D2HGDH: variants seen among roughly 807,000 people sequenced by gnomAD.
D2HGDH encodes D-2-hydroxyglutarate dehydrogenase, mitochondrial.
Under a neutral mutation model 46.9 loss-of-function variants are expected in D2HGDH, and 31 were observed. The observed-to-expected ratio is 0.66, with a 90% CI of 0.50 to 0.89. The LOEUF (loss-of-function observed/expected upper bound fraction) is 0.89. Among genes scored for constraint, D2HGDH ranks in the 40% least tolerant of loss-of-function variants. D2HGDH has a pLI of 0.00. For synonymous variants in D2HGDH, 364 were observed against 332.6 expected (o/e 1.09, Z -1.03); for missense variants, 698 against 720.8 (o/e 0.97, Z 0.36).
chr2:241,747,992 C>G (rs1323207514), intron 6 of D2HGDH, among the ~76,000 whole-genome samples: 2 of 152,226 alleles, frequency 1.3e-5, no homozygotes, highest in African/African-American at 4.8e-5. Context: ...GGATTCCTCA[C>G]TCTGGGTAGG....
At chr2:241,741,820 G>A (rs1177019887) in intron 3 of D2HGDH, among the ~76,000 whole-genome samples, 1 of 148,574 alleles carries the variant, frequency 6.7e-6, no homozygotes, top group Non-Finnish European at 1.5e-5. Context: ...TGCCTCCAGG[G>A]TTTATTTCAT....
chr2:241,750,404 G>A lies in D2HGDH; in HGVS notation c.997+110G>A. On this transcript the variant is annotated intron_variant, in intron 7 of 9. Transcript: ENST00000321264. Reference sequence around the variant, plus strand: ...TGGGCGGGGGGTGCCCGGGCGGGCGGGTGGGGGGTCCCTGGGCGGAGCATG... The same window carrying A: ...TGGGCGGGGGGTGCCCGGGCGGGCGAGTGGGGGGTCCCTGGGCGGAGCATG... 2.8e-6 allele frequency: 3 copies of A among 1,065,988 alleles called. 1 individual carries two copies. Among genetic ancestry groups the A allele is most frequent in the Non-Finnish European group, 4.1e-6 (3 of 740,262 alleles). 66.0% of individuals were successfully genotyped at this position (1,065,988 alleles called of 1,614,324 possible).
intron 9 of D2HGDH, among the ~76,000 whole-genome samples, chr2:241,756,479 A>C (rs1243465963): frequency 3.9e-5 from 6 of 152,212 alleles, no homozygotes; most frequent in Non-Finnish European, 8.8e-5. Context: ...ATCATGCTTT[A>C]ACGTGTAAGC....
chr2:241,734,933 G>A (rs891150814), intron 1 of D2HGDH, 200 bp from the exon 2 acceptor site: 2 of 379,720 alleles, frequency 5.3e-6, no homozygotes, highest in South Asian at 7.0e-5. Context: ...CGGCGAGGCC[G>A]CCCCGAGCCT....
In D2HGDH at chr2:241,743,946, C is replaced by G; in HGVS notation, c.684+131C>G. 9.6e-7 allele frequency: 1 copy of G among 1,039,062 alleles called. No individual in the cohort carries two copies. Among genetic ancestry groups the G allele is most frequent in the East Asian group, 2.6e-5 (1 of 38,294 alleles). The allele number at this position is 1,039,062 out of a possible 1,614,324, so 64.4% of individuals were successfully genotyped here. ...AGGTCTTGGTTCCTGGCCCTGGGCC[C>G]CTCAAGGATGTGTGGGCTACATACA... On this transcript the variant is annotated intron_variant, in intron 5 of 9. Transcript: ENST00000321264. The surrounding 1 kb of genome is among the most constrained non-coding windows in gnomAD (Gnocchi z 4.8).
intron 9 of D2HGDH, among the ~76,000 whole-genome samples, chr2:241,762,069 CTTTTTT>C (rs564362722): frequency 9.2e-6 from 1 of 108,166 alleles, no homozygotes; most frequent in Non-Finnish European, 1.8e-5. Flanking sequence ...TTTTCTTTTC[CTTTTTT>C]TTTTTTTTTT....
At chr2:241,761,288 C>A (rs575763368) in intron 9 of D2HGDH, among the ~76,000 whole-genome samples, 14 of 152,264 alleles carry the variant, frequency 9.2e-5, no homozygotes, top group African/African-American at 3.1e-4. Context: ...TCTGTAATCC[C>A]AGCAATACGG....
chr2:241,758,287 A>G (rs1024491291), intron 9 of D2HGDH, among the ~76,000 whole-genome samples: 2 of 152,208 alleles, frequency 1.3e-5, no homozygotes, highest in Admixed American at 1.3e-4. Context: ...AGAACTTGCC[A>G]GTGGAGCTGT....
chr2:241,746,128 A>G (rs1695804006), intron 6 of D2HGDH, among the ~76,000 whole-genome samples: 1 of 152,128 alleles, frequency 6.6e-6, no homozygotes, highest in African/African-American at 2.4e-5. Flanking sequence ...TTATTGCTTC[A>G]GATATTGTCT....
At chr2:241,747,118 T>C (rs1384623784) in intron 6 of D2HGDH, among the ~76,000 whole-genome samples, 1 of 151,986 alleles carries the variant, frequency 6.6e-6, no homozygotes, top group African/African-American at 2.4e-5. Context: ...AAAAAAATTT[T>C]GTATGTAGAA....
chr2:241,767,631 TGGGAG>T, intron 9 of D2HGDH, 74 bp from the exon 10 acceptor site: 1 of 1,332,712 alleles, frequency 7.5e-7, no homozygotes, highest in East Asian at 2.8e-5. Context: ...GAGGGGATCT[TGGGAG>T]GGGCTGTTGG....
chr2:241,749,548 A>G, intron 6 of D2HGDH: 1 of 369,316 alleles, frequency 2.7e-6, no homozygotes, highest in Non-Finnish European at 5.0e-6. Context: ...TGGAGCACTA[A>G]CACGCCTGTT....
At position 241,762,069 on chromosome 2, in the gene D2HGDH, CTTTT is replaced by C. The variant is rs564362722; in HGVS notation, c.1307-5624_1307-5621del. Among the ~76,000 whole-genome samples the C allele has an allele frequency of 5.3e-3, 576 of 108,144 alleles. 2 individuals are homozygous for C. The highest frequency in any genetic ancestry group is 0.022 in the African/African-American group (529 of 24,076). The allele number at this position is 108,144 out of a possible 152,430, so 70.9% of individuals were successfully genotyped here. Reference sequence around the variant, plus strand: ...AAATAATTTCTTTCTTTTTCTTTTCCTTTTTTTTTTTTTTTTTTTTGAGATGGAG... The same window carrying C: ...AAATAATTTCTTTCTTTTTCTTTTCCTTTTTTTTTTTTTTTTGAGATGGAG... On this transcript the variant is annotated intron_variant, in intron 9 of 9. Transcript: ENST00000321264.
At chr2:241,739,073 G>C (rs1174499489) in intron 2 of D2HGDH, among the ~76,000 whole-genome samples, 2 of 152,212 alleles carry the variant, frequency 1.3e-5, no homozygotes, top group Non-Finnish European at 2.9e-5. Flanking sequence ...AACAGGCTGG[G>C]CCCCTGTGTC....
chr2:241,735,194 G>C lies in D2HGDH; in HGVS notation c.-31G>C, dbSNP rs967531049. ...GCCCTGAGTACCGGCCCCCCACCAA[G>C]GAGGAGCCCGAGGTCTCCGTCCCGG... On this transcript the variant is annotated 5_prime_UTR_variant, in exon 2 of 10. Transcript: ENST00000321264. 3.9e-5 allele frequency: 59 copies of C among 1,497,652 alleles called. No homozygotes were observed. Among genetic ancestry groups the C allele is most frequent in the Middle Eastern group, 2.4e-4 (1 of 4,232 alleles). 92.8% of individuals were successfully genotyped at this position (1,497,652 alleles called of 1,614,324 possible). A position where few individuals can be genotyped will look rare whatever the true frequency, so the allele number is the denominator to read the frequency against.
Position 241,735,492 on chromosome 2 carries a change from G to A in D2HGDH, c.268G>A (p.Val90Met). The A allele has an allele frequency of 1.2e-6, 2 of 1,608,114 alleles. No homozygotes were observed. The highest frequency in any genetic ancestry group is 8.5e-7 in the Non-Finnish European group (1 of 1,179,798). ...CCCGGAAGCGCTGCAGGCTCCCAACGTGGACTGGTTGCGGACGCTGCGAGG... is the reference window on the plus strand; with the variant it reads ...CCCGGAAGCGCTGCAGGCTCCCAACATGGACTGGTTGCGGACGCTGCGAGG... ...TDPEALQAPNVDWLRTLRGCS... is the reference protein window; with the variant it reads ...TDPEALQAPNMDWLRTLRGCS... Residue 90 changes from valine (V) to methionine (M), a missense_variant, in exon 2 of 10, where the codon GTG becomes ATG. Transcript: ENST00000321264.
chr2:241,752,920 A>G (rs1051906245), intron 8 of D2HGDH, among the ~76,000 whole-genome samples: 2 of 101,816 alleles, frequency 2.0e-5, no homozygotes, highest in African/African-American at 7.7e-5. Context: ...CAGCCTCTGC[A>G]CATCATCCCC....
rs541207333 is a variant in D2HGDH at position 241,768,007 on chromosome 2, G to A, written c.*38G>A. The A allele has an allele frequency of 2.0e-5, 31 of 1,552,432 alleles. No homozygotes were observed. Among genetic ancestry groups the A allele is most frequent in the Admixed American group, 3.7e-5 (2 of 53,714 alleles). On this transcript the variant is annotated 3_prime_UTR_variant, in exon 10 of 10. Coordinates refer to ENST00000321264, the MANE Select transcript of D2HGDH (RefSeq NM_152783.5). ...CTGCTGCCAAGGCCCACTGGGGGTC[G>A]GCGGGTGGCTCTCGGGCGGGGGTGT...
chr2:241,735,316 T>C lies in D2HGDH; in HGVS notation c.92T>C (p.Leu31Pro). ...AGSWGRPVGP[L>P]ARRGCCSAPG... Reference sequence around the variant, plus strand: ...TCTTGGGGTCGGCCGGTTGGCCCCCTGGCCCGCAGAGGCTGCTGCTCCGCC... The same window carrying C: ...TCTTGGGGTCGGCCGGTTGGCCCCCCGGCCCGCAGAGGCTGCTGCTCCGCC... The change falls in exon 2 of 10, where the codon CTG (leucine) becomes CCG (proline). Residue 31 changes from leucine (L) to proline (P), a missense_variant. Physicochemically the swap from Leu to Pro is moderately conservative, Grantham distance 98. Transcript: ENST00000321264. The C allele has an allele frequency of 6.5e-7, 1 of 1,538,054 alleles. No individual in the cohort carries two copies. Among genetic ancestry groups the C allele is most frequent in the South Asian group, 1.2e-5 (1 of 84,116 alleles).
Sources: allele counts gnomAD v4.1 joint callset (sites outside exome capture counted in the v4.1 genomes callset), GRCh38; gene constraint gnomAD v4.1.1; non-coding constraint Gnocchi (gnomAD v3.1); transcripts MANE v1.5; gene names NCBI Gene and HGNC (gene_info 2026-07-23, HGNC 2026-07-21).